The following LGI3 variants were observed in gnomAD, a reference collection of about 807,000 sequenced individuals.
The protein encoded by LGI3 is leucine rich repeat LGI family member 3, also known as leucine-rich repeat LGI family member 3.
LGI3 carries 47 observed loss-of-function variants against 55.4 expected under a neutral mutation model. That is an observed-to-expected ratio of 0.85 (90% CI 0.67 to 1.08). The LOEUF (loss-of-function observed/expected upper bound fraction) is 1.08. Ranked by LOEUF, LGI3 falls within the 50% of genes least tolerant of loss-of-function variation. The pLI is 0.00. For missense variants in LGI3, 664 were observed against 726.3 expected, an observed-to-expected ratio of 0.91 and a Z score of 0.99; for synonymous variants, 326 against 315.0, an observed-to-expected ratio of 1.04 and a Z score of -0.37.
chr8:22,154,977 T>C (rs552033080), intron 2 of LGI3: 4 of 407,016 alleles, frequency 9.8e-6, no homozygotes, highest in African/African-American at 8.1e-5. Flanking sequence ...ATGGACGGCA[T>C]CTTGTAGGGT....
In LGI3 at chr8:22,148,816, C is replaced by G. The variant is rs1050199719; in HGVS notation, c.991G>C (p.Asp331His). 2 of 1,614,058 alleles carry G rather than the reference C, an allele frequency of 1.2e-6. No individual in the cohort carries two copies. The highest frequency in any genetic ancestry group is 1.7e-6 in the Non-Finnish European group (2 of 1,180,034). ...IDPQRVRKPN[D>H]LEAFRIDGDW... is the part of the protein sequence containing the mutation. ...CCGTCGATGCGGAAGGCTTCTAGGT[C>G]GTTAGGCTTGCGCACGCGCTGCGGG... The change falls in exon 8 of 8, where the codon GAC becomes CAC. Residue 331 changes from aspartate (D) to histidine (H), a missense_variant. By Grantham distance (81) the Asp-to-His change is moderately conservative. Coordinates refer to ENST00000306317, the MANE Select transcript of LGI3 (RefSeq NM_139278.4). This position sits in a 1 kb window ranked among gnomAD's most constrained non-coding sequence, Gnocchi z 7.0.
In LGI3 at chr8:22,147,074, G is replaced by A. The variant is rs1827311105; in HGVS notation, c.*1086C>T. ...GGCCTCTGTGGACTGGTGGGGCCAGGGCTGCAACACGCCCTCAGGCCAAGC... is the reference window on the plus strand; with the variant it reads ...GGCCTCTGTGGACTGGTGGGGCCAGAGCTGCAACACGCCCTCAGGCCAAGC... On this transcript the variant is annotated 3_prime_UTR_variant, in exon 8 of 8. Transcript: ENST00000306317. 6.6e-6 allele frequency: 1 copy of A among 152,248 alleles called. No individual in the cohort carries two copies. The highest frequency in any genetic ancestry group is 6.5e-5 in the Admixed American group (1 of 15,292). 9.4% of individuals were successfully genotyped at this position (152,248 alleles called of 1,614,324 possible). A position where few individuals can be genotyped will look rare whatever the true frequency, so the allele number is the denominator to read the frequency against.
intron 1 of LGI3, 36 bp downstream of exon 1, chr8:22,156,301 C>T (rs1424311657): frequency 6.2e-7 from 1 of 1,606,566 alleles, no homozygotes; most frequent in Non-Finnish European, 8.5e-7. Context: ...GCCTCCTCTC[C>T]CTCCCCAACC....
At position 22,149,335 on chromosome 8, in the gene LGI3, T is replaced by C. The variant is rs1266510820; in HGVS notation, c.830-358A>G. 2.6e-4 allele frequency among the ~76,000 whole-genome samples: 40 copies of C among 152,188 alleles called. 1 individual carries two copies. Among genetic ancestry groups the C allele is most frequent in the Admixed American group, 2.6e-3 (40 of 15,276 alleles). ...TGAATGTAAGCACATGTTACATCGATGAGGAATTCATCACGCTGGAAAGGA... is the reference window on the plus strand; with the variant it reads ...TGAATGTAAGCACATGTTACATCGACGAGGAATTCATCACGCTGGAAAGGA... On this transcript the variant is annotated intron_variant, in intron 7 of 7. Transcript: ENST00000306317.
Position 22,153,983 on chromosome 8 carries a change from T to C in LGI3, c.479A>G (p.Asp160Gly), listed in dbSNP as rs1363858445. The C allele has an allele frequency of 2.5e-6, 4 of 1,613,938 alleles. No individual in the cohort carries two copies. Among genetic ancestry groups the C allele is most frequent in the Non-Finnish European group, 3.4e-6 (4 of 1,180,022 alleles). Residue 160 changes from aspartate to glycine, a missense_variant, in exon 5 of 8, where the codon GAC (aspartate) becomes GGC (glycine). Coordinates refer to ENST00000306317, the MANE Select transcript of LGI3 (RefSeq NM_139278.4). ...TLPRDIFRPLDILNDLDLRGN... is the reference protein window; with the variant it reads ...TLPRDIFRPLGILNDLDLRGN... ...CAGGCCTTACAAGTCATTCAGGATG[T>C]CCAGGGGCCGGAAGATGTCTCTGGG...
rs143814952 is a variant in LGI3 at position 22,153,062 on chromosome 8, A to AT, written c.494+905dup. ...GAGACTCTGTCTAAAAAAAAAAAAAATTTTTTAAAGTACTTTTTTTTTTTT... is the reference window on the plus strand; with the variant it reads ...GAGACTCTGTCTAAAAAAAAAAAAAATTTTTTTAAAGTACTTTTTTTTTTTT... On this transcript the variant is annotated intron_variant, in intron 5 of 7. Transcript: ENST00000306317. Among the ~76,000 whole-genome samples the AT allele has an allele frequency of 7.9e-3, 1,172 of 148,212 alleles. 20 individuals carry two copies. The highest frequency in any genetic ancestry group is 0.028 in the African/African-American group (1,105 of 39,980).
intron 7 of LGI3, among the ~76,000 whole-genome samples, chr8:22,149,676 C>A (rs1425276711): frequency 6.6e-6 from 1 of 152,156 alleles, no homozygotes; most frequent in Non-Finnish European, 1.5e-5. Context: ...TGAAACCATA[C>A]ACTGCTCACC....
chr8:22,151,442 C>T (rs1193902646), intron 7 of LGI3, 47 bp downstream of exon 7: 11 of 1,588,722 alleles, frequency 6.9e-6, no homozygotes, highest in South Asian at 2.2e-5. Flanking sequence ...AGCCCACTCC[C>T]CCCTCCCCCT....
chr8:22,148,064 G>T lies in LGI3; in HGVS notation c.*96C>A. 1 of 1,008,450 alleles carries T rather than the reference G, an allele frequency of 9.9e-7. No individual in the cohort carries two copies. Among genetic ancestry groups the T allele is most frequent in the Non-Finnish European group, 1.5e-6 (1 of 682,476 alleles). 62.5% of individuals were successfully genotyped at this position (1,008,450 alleles called of 1,614,324 possible). On this transcript the variant is annotated 3_prime_UTR_variant, in exon 8 of 8. Coordinates refer to ENST00000306317, the MANE Select transcript of LGI3 (RefSeq NM_139278.4). The surrounding 1 kb of genome is among the most constrained non-coding windows in gnomAD (Gnocchi z 7.0). Reference sequence around the variant, plus strand: ...GGATACAAGGGCATGAATGCAGGTTGGTCGCTTGTCTTCACACAGGCATAC... The same window carrying T: ...GGATACAAGGGCATGAATGCAGGTTTGTCGCTTGTCTTCACACAGGCATAC...
Position 22,155,325 on chromosome 8 carries a change from G to T in LGI3, c.278+67C>A. 6 of 1,458,294 alleles carry T rather than the reference G, an allele frequency of 4.1e-6. 1 individual carries two copies. In the South Asian group the frequency reaches 7.1e-5, roughly 17 times the overall value. The allele number at this position is 1,458,294 out of a possible 1,614,324, so 90.3% of individuals were successfully genotyped here. A position where few individuals can be genotyped will look rare whatever the true frequency, so the allele number is the denominator to read the frequency against. Reference sequence around the variant, plus strand: ...CCTCTGTCCACTCTCCCTCTCCCCAGCCCAGGATTTGTCCCCTGCTACCAC... The same window carrying T: ...CCTCTGTCCACTCTCCCTCTCCCCATCCCAGGATTTGTCCCCTGCTACCAC... On this transcript the variant is annotated intron_variant, in intron 2 of 7. Transcript: ENST00000306317.
At chr8:22,156,235 C>T (rs1053113734) in intron 1 of LGI3, 102 bp downstream of exon 1, 30 of 1,287,508 alleles carry the variant, frequency 2.3e-5, no homozygotes, top group Middle Eastern at 2.5e-4. Context: ...CCCTGGTCCC[C>T]GCACTCTGAA....
chr8:22,152,683 G>A (rs572821066), intron 5 of LGI3, among the ~76,000 whole-genome samples: 2 of 150,040 alleles, frequency 1.3e-5, no homozygotes, highest in African/African-American at 4.9e-5. Context: ...AGAGGTTGCA[G>A]TGAGCGGAGA....
In LGI3 at chr8:22,154,275, G is replaced by A. The variant is rs546183127; in HGVS notation, c.351-62C>T. On this transcript the variant is annotated intron_variant, in intron 3 of 7. Transcript: ENST00000306317. The stretch of plus-strand genomic sequence containing the variant: ...GGATGCCAGACCCCCAGCAGCACTC[G>A]CCCTACGCCCCAGCCTAGATTTCAG... 5.0e-5 allele frequency: 66 copies of A among 1,321,066 alleles called. No individual in the cohort carries two copies. The East Asian group carries it at 7.6e-4, about 15-fold the overall frequency. 81.8% of individuals were successfully genotyped at this position (1,321,066 alleles called of 1,614,324 possible). A position where few individuals can be genotyped will look rare whatever the true frequency, so the allele number is the denominator to read the frequency against.
rs768198839 is a variant in LGI3, at chr8:22,148,446, G to A, written c.1361C>T (p.Thr454Ile). 2 of 1,612,174 alleles carry A rather than the reference G, an allele frequency of 1.2e-6. No individual in the cohort carries two copies. Among genetic ancestry groups the A allele is most frequent in the Admixed American group, 1.7e-5 (1 of 59,982 alleles). ...GDSKILRWEGTRFSEVQALPS... is the reference protein window; with the variant it reads ...GDSKILRWEGIRFSEVQALPS... ...CAGGGCCTGCACCTCCGAGAAGCGGGTACCCTCCCAGCGCAGGATCTTGGA... is the reference window on the plus strand; with the variant it reads ...CAGGGCCTGCACCTCCGAGAAGCGGATACCCTCCCAGCGCAGGATCTTGGA... The change falls in exon 8 of 8, where the codon ACC (threonine) becomes ATC (isoleucine). Residue 454 changes from threonine to isoleucine, a missense_variant. Physicochemically the swap from Thr to Ile is moderately conservative, Grantham distance 89. Coordinates refer to ENST00000306317, the MANE Select transcript of LGI3 (RefSeq NM_139278.4). This position sits in a 1 kb window ranked among gnomAD's most constrained non-coding sequence, Gnocchi z 7.0.
rs377118408 is a variant in LGI3, at chr8:22,155,357, G to T, written c.278+35C>A. Reference sequence around the variant, plus strand: ...ATTTGTCCCCTGCTACCACCCCATAGTTCCCCCAACCCTTCCACAAGGCCC... The same window carrying T: ...ATTTGTCCCCTGCTACCACCCCATATTTCCCCCAACCCTTCCACAAGGCCC... On this transcript the variant is annotated intron_variant, in intron 2 of 7. Coordinates refer to ENST00000306317, the MANE Select transcript of LGI3 (RefSeq NM_139278.4). 1.6e-4 allele frequency: 252 copies of T among 1,601,554 alleles called. No homozygotes were observed. In the African/African-American group the frequency reaches 3.2e-3, roughly 20 times the overall value.
In LGI3 at chr8:22,156,537, C is replaced by T. The variant is rs1464518553; in HGVS notation, c.6G>A (p.Ala2=). M[A]GLRARGGPGP... ...CCGGGCCCCCCCTGGCCCGCAGCCC[C>T]GCCATGCTGCCCGCGATCTCTCCCT... The change falls in exon 1 of 8, where the codon GCG becomes GCA. Residue 2 remains alanine, a synonymous_variant. Coordinates refer to ENST00000306317, the MANE Select transcript of LGI3 (RefSeq NM_139278.4). 25 of 1,278,060 alleles carry T rather than the reference C, an allele frequency of 2.0e-5. No individual in the cohort carries two copies. Among genetic ancestry groups the T allele is most frequent in the Non-Finnish European group, 2.2e-5 (22 of 993,810 alleles). The allele number at this position is 1,278,060 out of a possible 1,614,324, so 79.2% of individuals were successfully genotyped here.
chr8:22,148,702 C>T lies in LGI3; in HGVS notation c.1105G>A (p.Ala369Thr), dbSNP rs372420127. Reference sequence around the variant, plus strand: ...GTGTCACGGTGCCAGGGGTGCAGTGCCTGGTGGGAGTAGAAGCCATTCTGG... The same window carrying T: ...GTGTCACGGTGCCAGGGGTGCAGTGTCTGGTGGGAGTAGAAGCCATTCTGG... ...WHQNGFYSHQALHPWHRDTDL... is the reference protein window; with the variant it reads ...WHQNGFYSHQTLHPWHRDTDL... Residue 369 changes from alanine to threonine, a missense_variant, in exon 8 of 8, where the codon GCA becomes ACA. Coordinates refer to ENST00000306317, the MANE Select transcript of LGI3 (RefSeq NM_139278.4). This position sits in a 1 kb window ranked among gnomAD's most constrained non-coding sequence, Gnocchi z 7.0. 69 of 1,614,038 alleles carry T rather than the reference C, an allele frequency of 4.3e-5. No homozygotes were observed. The East Asian group carries it at 1.0e-3, about 23-fold the overall frequency.
Position 22,156,348 on chromosome 8 carries a change from C to G in LGI3, c.195G>C (p.Glu65Asp). The change falls in exon 1 of 8, where the codon GAG (glutamate) becomes GAC (aspartate). Residue 65 changes from glutamate to aspartate, a missense_variant. Transcript: ENST00000306317. The stretch of plus-strand genomic sequence containing the variant: ...GGCTGGACACTCACAGGGAGATGAC[C>G]TCCGAGGGCAGGTTCCTGGGCACCG... ...SKAVPRNLPS[E>D]VISLTLVNAA... 1 of 1,609,516 alleles carries G rather than the reference C, an allele frequency of 6.2e-7. No individual in the cohort carries two copies. The highest frequency in any genetic ancestry group is 8.5e-7 in the Non-Finnish European group (1 of 1,178,618).
chr8:22,154,315 A>T (rs1827458297), intron 3 of LGI3, 102 bp from the exon 4 acceptor site: 2 of 1,023,478 alleles, frequency 2.0e-6, no homozygotes, highest in African/African-American at 3.1e-5. Context: ...TGTCCCCGAG[A>T]CAGGTTTCCA....
Sources: gnomAD v4.1 joint callset for allele counts (sites outside exome capture counted in the v4.1 genomes callset) on GRCh38, gnomAD v4.1.1 for gene constraint, Gnocchi (gnomAD v3.1) non-coding constraint, MANE v1.5 for transcripts, NCBI Gene and HGNC (gene_info 2026-07-23, HGNC 2026-07-21) for gene names.